DAB1: variants seen among roughly 807,000 people sequenced by gnomAD.
DAB1 encodes DAB adaptor protein 1, also known as disabled homolog 1.
In DAB1, 15 loss-of-function variants were observed where a neutral mutation model predicts 64.6. The ratio of observed to expected loss-of-function variants is 0.23; its 90% CI spans 0.16 to 0.36. DAB1 has a LOEUF of 0.36. DAB1 is among the 10% of genes least tolerant of loss of function. DAB1 has a pLI of 1.00. For synonymous variants in DAB1, 235 were observed against 251.9 expected, an observed-to-expected ratio of 0.93 and a Z score of 0.64; for missense variants, 596 against 706.7, an observed-to-expected ratio of 0.84 and a Z score of 1.78.
intron 1 of DAB1, among the ~76,000 whole-genome samples, chr1:57,422,013 A>G (rs949053493): frequency 1.3e-4 from 19 of 151,334 alleles, no homozygotes; most frequent in African/African-American, 4.6e-4. Flanking sequence ...CATCACGGAG[A>G]TCACAAAAAC....
intron 5 of DAB1, among the ~76,000 whole-genome samples, chr1:57,912,503 AT>A (rs1306007067): frequency 6.6e-6 from 1 of 152,170 alleles, no homozygotes; most frequent in African/African-American, 2.4e-5. Flanking sequence ...ATGGGCAAAA[AT>A]TGGAAGCATT....
chr1:58,293,338 C>T (rs1274231860), intron 4 of DAB1, among the ~76,000 whole-genome samples: 1 of 152,098 alleles, frequency 6.6e-6, no homozygotes, highest in Admixed American at 6.6e-5. Context: ...CTCAGTAGTC[C>T]CCTGTATTCC....
chr1:57,280,679 T>C (rs1022956902), intron 2 of DAB1, among the ~76,000 whole-genome samples: 1 of 152,196 alleles, frequency 6.6e-6, no homozygotes, highest in Non-Finnish European at 1.5e-5. Context: ...ACTACCAATA[T>C]GGCCTACATC....
rs554422307 is a variant in DAB1 at position 57,157,206 on chromosome 1, ATTT to A, written c.68-11780_68-11778del. Among the ~76,000 whole-genome samples, 5 of 151,574 alleles carry A rather than the reference ATTT, an allele frequency of 3.3e-5. No individual in the cohort carries two copies. In the South Asian group the frequency reaches 1.0e-3, roughly 32 times the overall value. Reference sequence around the variant, plus strand: ...TATAATAAGCACAGCCAAGATAAGTATTTTTTTTTCCTAATGTGGTCATTCTGG... The same window carrying A: ...TATAATAAGCACAGCCAAGATAAGTATTTTTTCCTAATGTGGTCATTCTGG... On this transcript the variant is annotated intron_variant, in intron 2 of 14. Coordinates refer to ENST00000371236, the MANE Select transcript of DAB1 (RefSeq NM_001365792.1).
chr1:57,027,348 T>G (rs1646824531), intron 9 of DAB1, among the ~76,000 whole-genome samples: 1 of 152,156 alleles, frequency 6.6e-6, no homozygotes, highest in Non-Finnish European at 1.5e-5. Flanking sequence ...ACCACCTCGT[T>G]TGCAGGTAGC....
intron 7 of DAB1, among the ~76,000 whole-genome samples, chr1:57,431,082 A>G (rs1685488961): frequency 6.7e-6 from 1 of 150,256 alleles, no homozygotes; most frequent in African/African-American, 2.5e-5. Flanking sequence ...AGGAAGTGAC[A>G]TCATCCTGAA....
intron 4 of DAB1, among the ~76,000 whole-genome samples, chr1:57,080,298 A>G (rs1652376921): frequency 6.6e-6 from 1 of 152,286 alleles, no homozygotes; most frequent in South Asian, 2.1e-4. Flanking sequence ...ATTTTTATGA[A>G]TGAATCTGTC....
In DAB1 at chr1:57,984,874, G is replaced by T. The variant is rs189843527; in HGVS notation, n.388-100712C>A. Among the ~76,000 whole-genome samples the T allele has an allele frequency of 2.9e-3, 441 of 152,010 alleles. 1 individual carries two copies. Among genetic ancestry groups the T allele is most frequent in the African/African-American group, 0.01 (431 of 41,494 alleles). On this transcript the variant is annotated intron_variant and non_coding_transcript_variant, in intron 5 of 20. Coordinates refer to the DAB1 transcript ENST00000485760. ...AGCTTTCAGAAAAGGGTTAAAGGAG[G>T]CACAGTGGAAATTGCATTGAAAACC...
At chr1:57,905,427 G>A (rs1182779667) in intron 5 of DAB1, among the ~76,000 whole-genome samples, 1 of 152,224 alleles carries the variant, frequency 6.6e-6, no homozygotes, top group East Asian at 1.9e-4. Flanking sequence ...TTGCAATGGA[G>A]TGAGCGGTTG....
chr1:57,037,017 G>A (rs72670395), intron 9 of DAB1, among the ~76,000 whole-genome samples: 55 of 152,288 alleles, frequency 3.6e-4, no homozygotes, highest in South Asian at 1.0e-3. Flanking sequence ...AACCTGCTGT[G>A]GTTCTCACTC....
chr1:58,011,571 TC>T (rs1478807096), intron 5 of DAB1, among the ~76,000 whole-genome samples: 55 of 152,328 alleles, frequency 3.6e-4, no homozygotes, highest in Non-Finnish European at 3.1e-4. Context: ...ACATTTTCTT[TC>T]CTGATCTCTT....
intron 2 of DAB1, among the ~76,000 whole-genome samples, chr1:57,228,020 G>C (rs763352949): frequency 6.6e-6 from 1 of 152,166 alleles, no homozygotes; most frequent in African/African-American, 2.4e-5. Context: ...TGCAGCCATA[G>C]TTGTTGTTCC....
chr1:58,317,659 A>G (rs1371806172), intron 4 of DAB1, among the ~76,000 whole-genome samples: 2 of 152,218 alleles, frequency 1.3e-5, no homozygotes, highest in East Asian at 3.9e-4. Context: ...TTGGAAGTGG[A>G]TTCTACTTCT....
chr1:58,135,370 T>C (rs2100703911), intron 5 of DAB1, among the ~76,000 whole-genome samples: 1 of 152,230 alleles, frequency 6.6e-6, no homozygotes, highest in South Asian at 2.1e-4. Flanking sequence ...ATAACAAAGG[T>C]AAATGGGGAG....
chr1:58,341,417 A>C (rs1211875843), intron 4 of DAB1, among the ~76,000 whole-genome samples: 3 of 152,170 alleles, frequency 2.0e-5, no homozygotes, highest in Non-Finnish European at 4.4e-5. Flanking sequence ...ATGCTCTTTC[A>C]ATCTACTCTA....
intron 6 of DAB1, among the ~76,000 whole-genome samples, chr1:57,748,043 T>A (rs1006875343): frequency 3.3e-5 from 5 of 152,140 alleles, no homozygotes; most frequent in Admixed American, 3.3e-4. Flanking sequence ...ACATGCCTAC[T>A]ACTTGCCAGG....
intron 7 of DAB1, among the ~76,000 whole-genome samples, chr1:57,474,415 C>A (rs2101216752): frequency 6.6e-6 from 1 of 152,224 alleles, no homozygotes. Context: ...GAAAAATAAA[C>A]CAAATATTAT....
At chr1:57,299,329 T>G (rs960753821) in intron 1 of DAB1, among the ~76,000 whole-genome samples, 1 of 152,206 alleles carries the variant, frequency 6.6e-6, no homozygotes, top group Non-Finnish European at 1.5e-5. Flanking sequence ...TGTGAAAGTA[T>G]TTTTGGAAAA....
intron 6 of DAB1, among the ~76,000 whole-genome samples, chr1:57,710,004 AT>A (rs2101743819): frequency 6.6e-6 from 1 of 152,164 alleles, no homozygotes; most frequent in South Asian, 2.1e-4. Flanking sequence ...AAAAGAAATG[AT>A]TTGGGGGCTG....
Sources: gnomAD v4.1 joint callset for allele counts (sites outside exome capture counted in the v4.1 genomes callset) on GRCh38, gnomAD v4.1.1 for gene constraint, MANE v1.5 for transcripts, NCBI Gene and HGNC (gene_info 2026-07-23, HGNC 2026-07-21) for gene names.